RAB2A: variants seen among roughly 807,000 people sequenced by gnomAD.
The protein encoded by RAB2A is RAB2A, member RAS oncogene family, also known as ras-related protein Rab-2A.
Under a neutral mutation model 32.5 loss-of-function variants are expected in RAB2A, and 7 were observed. That is an observed-to-expected ratio of 0.22 (90% confidence interval 0.12 to 0.40). The LOEUF is 0.40. Ranked by LOEUF, RAB2A falls within the 10% of genes least tolerant of loss-of-function variation. The pLI is 1.00. For missense variants in RAB2A, 108 were observed against 260.7 expected (o/e 0.41, Z 4.03); for synonymous variants, 79 against 85.2 (o/e 0.93, Z 0.40).
At chr8:60,529,084 GTTTC>G (rs2130809114) in intron 1 of RAB2A, among the ~76,000 whole-genome samples, 1 of 151,670 alleles carries the variant, frequency 6.6e-6, no homozygotes, top group Non-Finnish European at 1.5e-5. Flanking sequence ...CATTAAGCAT[GTTTC>G]TTTTTTTTTT....
intron 1 of RAB2A, among the ~76,000 whole-genome samples, chr8:60,519,148 C>T: frequency 2.8e-4 from 1 of 3,622 alleles, no homozygotes; most frequent in East Asian, 0.25. Context: ...GAATTCTTGA[C>T]ACTGTTATAG....
chr8:60,521,297 G>A (rs1433097434), intron 1 of RAB2A, among the ~76,000 whole-genome samples: 1 of 152,150 alleles, frequency 6.6e-6, no homozygotes, highest in Non-Finnish European at 1.5e-5. Context: ...AGTGGGCATG[G>A]GGGAATGTCT....
At chr8:60,584,681 A>C in intron 4 of RAB2A, 42 bp from the exon 5 acceptor site, 1 of 1,477,072 alleles carries the variant, frequency 6.8e-7, no homozygotes, top group African/African-American at 1.4e-5. Context: ...ATACTGAGGG[A>C]AATGCTTTGA....
In RAB2A at chr8:60,537,225, T is replaced by C. The variant is rs946390121; in HGVS notation, c.46+19972T>C. ...TTCTAATCGTATAAATATTTTGTTA[T>C]AATTTTTTTTTTGGAAACAGAGTTT... On this transcript the variant is annotated intron_variant, in intron 1 of 7. Coordinates refer to ENST00000262646, the MANE Select transcript of RAB2A (RefSeq NM_002865.3). 4.6e-5 allele frequency among the ~76,000 whole-genome samples: 7 copies of C among 152,194 alleles called. No individual in the cohort carries two copies. In the East Asian group the frequency reaches 9.6e-4, roughly 21 times the overall value.
intron 3 of RAB2A, among the ~76,000 whole-genome samples, chr8:60,581,365 T>C (rs1004301780): frequency 1.3e-5 from 2 of 152,152 alleles, no homozygotes; most frequent in African/African-American, 4.8e-5. Flanking sequence ...GGTAGTGTAG[T>C]GTATACAGTG....
Position 60,605,840 on chromosome 8 carries a change from C to CATATATATATATAT in RAB2A, c.475-12727_475-12726insTATATATATATATA, listed in dbSNP as rs1003742324. Among the ~76,000 whole-genome samples, 903 of 136,774 alleles carry CATATATATATATAT rather than the reference C, an allele frequency of 6.6e-3. 73 individuals are homozygous for CATATATATATATAT. The highest frequency in any genetic ancestry group is 0.028 in the African/African-American group (864 of 30,930). 89.7% of individuals were successfully genotyped at this position (136,774 alleles called of 152,430 possible). On this transcript the variant is annotated intron_variant, in intron 6 of 7. Coordinates refer to ENST00000262646, the MANE Select transcript of RAB2A (RefSeq NM_002865.3). ...GGCAAAAGGGACTAATACATATATA[C>CATATATATATATAT]ATATATATATATAATGCTTCATTTC...
intron 2 of RAB2A, chr8:60,569,905 T>C (rs1320901780): frequency 2.2e-6 from 1 of 453,324 alleles, no homozygotes; most frequent in South Asian, 1.6e-5. Flanking sequence ...TGTCTGTAGT[T>C]ATGTATGGAA....
chr8:60,521,039 C>T (rs1807294367), intron 1 of RAB2A, among the ~76,000 whole-genome samples: 1 of 152,210 alleles, frequency 6.6e-6, no homozygotes, highest in Admixed American at 6.5e-5. Flanking sequence ...TGGTCTCAAA[C>T]TCCTGGGCTT....
At chr8:60,590,628 ATTGT>A (rs1384237656) in intron 5 of RAB2A, among the ~76,000 whole-genome samples, 2 of 148,376 alleles carry the variant, frequency 1.3e-5, no homozygotes, top group African/African-American at 4.9e-5. Flanking sequence ...TTATTGTAAC[ATTGT>A]TTGTAATAAT....
At chr8:60,572,000 T>C in intron 2 of RAB2A, 46 bp from the exon 3 acceptor site, 5 of 1,357,926 alleles carry the variant, frequency 3.7e-6, no homozygotes, top group Non-Finnish European at 5.2e-6. Context: ...GAAAGTGAGA[T>C]ATATTCCCAC....
intron 6 of RAB2A, among the ~76,000 whole-genome samples, chr8:60,608,239 G>A (rs769886276): frequency 3.9e-5 from 6 of 152,046 alleles, no homozygotes; most frequent in Non-Finnish European, 8.8e-5. Context: ...AATATGTAAA[G>A]GCTAGAAGAA....
intron 1 of RAB2A, among the ~76,000 whole-genome samples, chr8:60,548,663 C>T (rs1227455464): frequency 2.0e-5 from 3 of 147,334 alleles, no homozygotes; most frequent in African/African-American, 5.1e-5. Flanking sequence ...ACCTCCCTCC[C>T]GGACGGAGTG....
chr8:60,582,876 A>G (rs1563477410), intron 3 of RAB2A, among the ~76,000 whole-genome samples: 1 of 152,190 alleles, frequency 6.6e-6, no homozygotes, highest in Admixed American at 6.5e-5. Flanking sequence ...AAAAACTCCC[A>G]GGCTCAAGCG....
chr8:60,576,573 C>T (rs1326520191), intron 3 of RAB2A, among the ~76,000 whole-genome samples: 3 of 152,190 alleles, frequency 2.0e-5, no homozygotes, highest in Non-Finnish European at 4.4e-5. Context: ...TGAAAACTAA[C>T]ATGCTAAAAG....
At chr8:60,551,565 G>T (rs550084818) in intron 1 of RAB2A, among the ~76,000 whole-genome samples, 1 of 152,230 alleles carries the variant, frequency 6.6e-6, no homozygotes, top group South Asian at 2.1e-4. Context: ...GGAAACTGAG[G>T]CACTAAAAAG....
intron 3 of RAB2A, among the ~76,000 whole-genome samples, chr8:60,579,194 C>T (rs1803692321): frequency 1.3e-5 from 2 of 152,150 alleles, no homozygotes; most frequent in Non-Finnish European, 2.9e-5. Flanking sequence ...AGGCACGTGC[C>T]ACCACACCTG....
chr8:60,553,688 A>G (rs76889339), intron 1 of RAB2A, among the ~76,000 whole-genome samples: 12,450 of 152,254 alleles, frequency 0.082, 1,550 homozygotes, highest in African/African-American at 0.27. Context: ...AGAAAGGTCA[A>G]GTACCCTGTG....
rs903878302 is a variant in RAB2A, at chr8:60,517,081, ACAG to A, written c.-119_-117del. The A allele has an allele frequency of 1.9e-4, 187 of 998,852 alleles. No individual in the cohort carries two copies. The highest frequency in any genetic ancestry group is 6.9e-6 in the Non-Finnish European group (5 of 722,776). The allele number at this position is 998,852 out of a possible 1,614,324, so 61.9% of individuals were successfully genotyped here. A position where few individuals can be genotyped will look rare whatever the true frequency, so the allele number is the denominator to read the frequency against. ...CACAGCCCCTCACTCCCGGCGGCTG[ACAG>A]CAGCAGCGGCGGCGGCGGGCGGCGC... On this transcript the variant is annotated 5_prime_UTR_variant, in exon 1 of 8. Coordinates refer to ENST00000262646, the MANE Select transcript of RAB2A (RefSeq NM_002865.3).
chr8:60,585,374 G>C (rs887842100), intron 5 of RAB2A, among the ~76,000 whole-genome samples: 3 of 152,108 alleles, frequency 2.0e-5, no homozygotes, highest in South Asian at 2.1e-4. Context: ...GTGCAGTGGT[G>C]TGATCATAGC....
Sources: allele counts gnomAD v4.1 joint callset (sites outside exome capture counted in the v4.1 genomes callset), GRCh38; gene constraint gnomAD v4.1.1; transcripts MANE v1.5; gene names NCBI Gene and HGNC (gene_info 2026-07-23, HGNC 2026-07-21).